PCSK5: variants seen among roughly 807,000 people sequenced by gnomAD.
The protein encoded by PCSK5 is proprotein convertase subtilisin/kexin type 5.
A neutral mutation model predicts 233.2 loss-of-function variants in PCSK5; 129 were observed. That is an observed-to-expected ratio of 0.55 (90% CI 0.48 to 0.64). PCSK5 has a LOEUF of 0.64. PCSK5 is among the 30% of genes least tolerant of loss of function. The pLI, the probability that PCSK5 is intolerant of heterozygous loss-of-function variation, is 0.00. For missense variants in PCSK5, 2,076 were observed against 2,430.1 expected (o/e 0.85, Z 3.06); for synonymous variants, 825 against 879.2 (o/e 0.94, Z 1.09).
At chr9:76,227,472 A>G in intron 20 of PCSK5, 31 bp from the exon 21 acceptor site, 1 of 1,499,576 alleles carries the variant, frequency 6.7e-7, no homozygotes, top group African/African-American at 1.4e-5. Context: ...CCATGTAGAA[A>G]TGAAATAAAC....
intron 12 of PCSK5, among the ~76,000 whole-genome samples, chr9:76,162,226 C>G (rs1450861222): frequency 6.6e-6 from 1 of 152,222 alleles, no homozygotes; most frequent in African/African-American, 2.4e-5. Context: ...CCCGTTCCTG[C>G]TGTGCTTGAC....
chr9:76,115,111 A>G (rs750991095), intron 9 of PCSK5, among the ~76,000 whole-genome samples: 4 of 152,164 alleles, frequency 2.6e-5, no homozygotes, highest in South Asian at 4.1e-4. Flanking sequence ...GATATCATCT[A>G]TGGAAATAGA....
At chr9:76,017,959 A>G (rs1828017084) in intron 3 of PCSK5, among the ~76,000 whole-genome samples, 1 of 149,912 alleles carries the variant, frequency 6.7e-6, no homozygotes, top group East Asian at 2.0e-4. Context: ...TCGAATGTTC[A>G]TTTTTAAAAG....
intron 9 of PCSK5, among the ~76,000 whole-genome samples, chr9:76,112,915 AT>A (rs1183669127): frequency 1.3e-5 from 2 of 152,142 alleles, no homozygotes; most frequent in Non-Finnish European, 2.9e-5. Flanking sequence ...TTCCATAGAA[AT>A]TTGTATCCTC....
intron 35 of PCSK5, among the ~76,000 whole-genome samples, chr9:76,342,877 A>C (rs1829873585): frequency 6.6e-6 from 1 of 151,848 alleles, no homozygotes; most frequent in Non-Finnish European, 1.5e-5. Flanking sequence ...CCCCTCTCTC[A>C]ATCCCCACAT....
At chr9:76,272,884 G>T (rs892260127) in intron 24 of PCSK5, among the ~76,000 whole-genome samples, 1 of 149,236 alleles carries the variant, frequency 6.7e-6, no homozygotes, top group African/African-American at 2.5e-5. Flanking sequence ...TTCCTCTCCT[G>T]CCTCTTCTTG....
At chr9:76,095,741 C>G in intron 7 of PCSK5, 149 bp from the exon 8 acceptor site, 1 of 654,946 alleles carries the variant, frequency 1.5e-6, no homozygotes, top group Non-Finnish European at 2.7e-6. Flanking sequence ...ACCAACGCCT[C>G]TTACTCCACT....
At chr9:76,288,412 G>C (rs79404080) in intron 24 of PCSK5, among the ~76,000 whole-genome samples, 2,100 of 152,300 alleles carry the variant, frequency 0.014, 54 homozygotes, top group African/African-American at 0.048. Context: ...TTTTCTGCTA[G>C]AATACTGAGA....
At chr9:76,054,541 CCA>C (rs1214212013) in intron 5 of PCSK5, among the ~76,000 whole-genome samples, 1 of 152,186 alleles carries the variant, frequency 6.6e-6, no homozygotes, top group Non-Finnish European at 1.5e-5. Flanking sequence ...AGTAGATTGA[CCA>C]CTTGAGTTGA....
At chr9:75,946,749 A>C (rs1225338855) in intron 2 of PCSK5, among the ~76,000 whole-genome samples, 2 of 152,032 alleles carry the variant, frequency 1.3e-5, no homozygotes, top group African/African-American at 4.8e-5. Context: ...CCACCATGCC[A>C]GCTAATTTTT....
chr9:75,962,851 G>T (rs1463867391), intron 2 of PCSK5, among the ~76,000 whole-genome samples: 1 of 152,168 alleles, frequency 6.6e-6, no homozygotes, highest in Non-Finnish European at 1.5e-5. Context: ...GGGCCTCTGC[G>T]CACACCCAGA....
At chr9:76,323,397 G>A in intron 32 of PCSK5, 109 bp downstream of exon 32, 3 of 685,084 alleles carry the variant, frequency 4.4e-6, no homozygotes, top group Non-Finnish European at 7.4e-6. Flanking sequence ...TTTTGTTTTT[G>A]TTTTGGGACA....
intron 28 of PCSK5, among the ~76,000 whole-genome samples, chr9:76,303,232 T>C (rs1828673865): frequency 6.6e-6 from 1 of 152,090 alleles, no homozygotes; most frequent in Admixed American, 6.6e-5. Context: ...AGGGACAAGG[T>C]TTCACCATGT....
At chr9:76,294,296 T>A (rs1828370320) in intron 25 of PCSK5, among the ~76,000 whole-genome samples, 1 of 151,998 alleles carries the variant, frequency 6.6e-6, no homozygotes, top group African/African-American at 2.4e-5. Flanking sequence ...TCAATTTCAC[T>A]CCACTCCTCC....
rs1830436568 is a variant in PCSK5 at position 76,361,850 on chromosome 9, C to T, written c.*2928C>T. The T allele has an allele frequency of 6.6e-6, 1 of 152,186 alleles. No homozygotes were observed. Among genetic ancestry groups the T allele is most frequent in the Admixed American group, 6.5e-5 (1 of 15,274 alleles). 9.4% of individuals were successfully genotyped at this position (152,186 alleles called of 1,614,324 possible). ...CACCTCTGTGGTTGCAGTTAGCTTA[C>T]AAAAACGAGCAATTTTGCTTATACT... On this transcript the variant is annotated 3_prime_UTR_variant, in exon 38 of 38. Transcript: ENST00000674117.
intron 24 of PCSK5, among the ~76,000 whole-genome samples, chr9:76,256,342 A>G (rs1826980714): frequency 6.6e-6 from 1 of 152,252 alleles, no homozygotes; most frequent in African/African-American, 2.4e-5. Context: ...CTGTGAGCCA[A>G]GTCTGTCTGG....
At chr9:75,999,172 C>T (rs909062152) in intron 3 of PCSK5, among the ~76,000 whole-genome samples, 2 of 152,108 alleles carry the variant, frequency 1.3e-5, no homozygotes, top group African/African-American at 2.4e-5. Context: ...CAACCCATCA[C>T]CTACATTAGG....
chr9:75,912,089 G>C (rs1421313396), intron 1 of PCSK5, among the ~76,000 whole-genome samples: 1 of 150,790 alleles, frequency 6.6e-6, no homozygotes, highest in Non-Finnish European at 1.5e-5. Flanking sequence ...AGGAGAAAAG[G>C]AGAAGAAGAA....
chr9:75,906,394 T>C (rs1326265436), intron 1 of PCSK5, among the ~76,000 whole-genome samples: 1 of 151,954 alleles, frequency 6.6e-6, no homozygotes, highest in Non-Finnish European at 1.5e-5. Flanking sequence ...CCCGGCTAAT[T>C]TTTTGTATTT....
Sources: gnomAD v4.1 joint callset for allele counts (sites outside exome capture counted in the v4.1 genomes callset) on GRCh38, gnomAD v4.1.1 for gene constraint, MANE v1.5 for transcripts, NCBI Gene and HGNC (gene_info 2026-07-23, HGNC 2026-07-21) for gene names.